Variants in TPCN2 observed in about 807,000 individuals in gnomAD.
TPCN2 encodes the protein two pore segment channel 2.
TPCN2 carries 92 observed loss-of-function variants against 111.4 expected under a neutral mutation model. The ratio of observed to expected loss-of-function variants is 0.83; its 90% CI spans 0.70 to 0.98. The LOEUF is 0.98. Among genes scored for constraint, TPCN2 ranks in the 50% least tolerant of loss-of-function variants. The pLI is 0.00. For missense variants in TPCN2, 995 were observed against 980.1 expected (o/e 1.02, Z -0.20); for synonymous variants, 405 against 414.5 (o/e 0.98, Z 0.28).
rs532290883 is a variant in TPCN2, at chr11:69,049,133, A to G, written c.109+27A>G. The G allele has an allele frequency of 2.5e-5, 31 of 1,216,462 alleles. No individual in the cohort carries two copies. The African/African-American group carries it at 4.1e-4, about 16-fold the overall frequency. 75.4% of individuals were successfully genotyped at this position (1,216,462 alleles called of 1,614,324 possible). Reference sequence around the variant, plus strand: ...TGAGCCGCCCGGACCTGGGGAGGGGACTGGCCCGGGAGACCAGGGTCGCGC... The same window carrying G: ...TGAGCCGCCCGGACCTGGGGAGGGGGCTGGCCCGGGAGACCAGGGTCGCGC... On this transcript the variant is annotated intron_variant, in intron 1 of 24. Transcript: ENST00000294309.
chr11:69,078,164 T>A (rs562693462), intron 13 of TPCN2, among the ~76,000 whole-genome samples: 9 of 151,872 alleles, frequency 5.9e-5, no homozygotes, highest in Non-Finnish European at 1.2e-4. Flanking sequence ...CACAGCTTTT[T>A]TTTTTTTTAT....
At chr11:69,056,239 G>A (rs7927633) in intron 4 of TPCN2, among the ~76,000 whole-genome samples, 120,773 of 152,214 alleles carry the variant, frequency 0.79, 52,188 homozygotes, top group Non-Finnish European at 0.99. Context: ...TCCTGGTCGC[G>A]TGGGGCCTCT....
chr11:69,057,134 TGG>T (rs1395395025), intron 4 of TPCN2, among the ~76,000 whole-genome samples: 1 of 152,224 alleles, frequency 6.6e-6, no homozygotes, highest in Non-Finnish European at 1.5e-5. Context: ...CACCGCCTTC[TGG>T]GGACTTTCTT....
In TPCN2 at chr11:69,087,865, A is replaced by G. The variant is rs1856347985; in HGVS notation, c.2181-10A>G. The G allele has an allele frequency of 3.7e-6, 6 of 1,611,568 alleles. No homozygotes were observed. Among genetic ancestry groups the G allele is most frequent in the Non-Finnish European group, 5.1e-6 (6 of 1,179,264 alleles). ...GAGGCCCCTGTGTGCATCTTTCCTC[A>G]ATTCCACAGGGATATTCTGGAGGAG... On this transcript the variant is annotated splice_polypyrimidine_tract_variant and intron_variant, in intron 24 of 24. Coordinates refer to ENST00000294309, the MANE Select transcript of TPCN2 (RefSeq NM_139075.4).
chr11:69,085,369 C>T, intron 20 of TPCN2, 83 bp downstream of exon 20: 1 of 1,322,378 alleles, frequency 7.6e-7, no homozygotes, highest in Non-Finnish European at 1.1e-6. Flanking sequence ...CCTCAGTGGG[C>T]TCAGCATCTC....
intron 5 of TPCN2, among the ~76,000 whole-genome samples, chr11:69,062,321 G>A (rs1169159231): frequency 2.6e-5 from 4 of 152,146 alleles, no homozygotes; most frequent in African/African-American, 7.2e-5. Context: ...TGGAGGGGAC[G>A]CACATTCACA....
At chr11:69,074,239 C>T (rs903666351) in intron 13 of TPCN2, among the ~76,000 whole-genome samples, 4 of 152,252 alleles carry the variant, frequency 2.6e-5, no homozygotes, top group African/African-American at 9.6e-5. Context: ...CTGCCCCAGC[C>T]TGAGCTTGAG....
At chr11:69,085,148 G>C (rs986684160) in intron 19 of TPCN2, 62 bp from the exon 20 acceptor site, 30 of 1,457,660 alleles carry the variant, frequency 2.1e-5, no homozygotes, top group Non-Finnish European at 2.7e-5. Flanking sequence ...TCTGTCTGGG[G>C]AGGGTGGTGG....
At chr11:69,087,835 C>A in intron 24 of TPCN2, 40 bp from the exon 25 acceptor site, 1 of 1,561,624 alleles carries the variant, frequency 6.4e-7, no homozygotes, top group Non-Finnish European at 8.8e-7. Context: ...GGTCTCCCTC[C>A]TTTAGAGGCC....
rs990638846 is a variant in TPCN2 at position 69,071,226 on chromosome 11, C to T, written c.896-130C>T. ...CTCGTCATCCTCCCACCTGTGACTG[C>T]GCTGGCCAGGCCATGTTTCCATTTG... On this transcript the variant is annotated intron_variant, in intron 9 of 24. Transcript: ENST00000294309. 143 of 711,030 alleles carry T rather than the reference C, an allele frequency of 2.0e-4. 1 individual carries two copies. Among genetic ancestry groups the T allele is most frequent in the Admixed American group, 1.9e-4 (9 of 48,636 alleles). 44.0% of individuals were successfully genotyped at this position (711,030 alleles called of 1,614,324 possible). A position where few individuals can be genotyped will look rare whatever the true frequency, so the allele number is the denominator to read the frequency against.
chr11:69,079,134 G>A, intron 16 of TPCN2, 114 bp downstream of exon 16: 1 of 1,377,368 alleles, frequency 7.3e-7, no homozygotes, highest in Non-Finnish European at 9.8e-7. Flanking sequence ...GTAGGAAGGT[G>A]GGCTTCTGCT....
At chr11:69,073,086 T>C in intron 13 of TPCN2, 85 bp downstream of exon 13, 1 of 999,184 alleles carries the variant, frequency 1.0e-6, no homozygotes, top group Admixed American at 1.8e-5. Flanking sequence ...ACTCTTCTAA[T>C]GATCAGTGCT....
intron 22 of TPCN2, among the ~76,000 whole-genome samples, chr11:69,086,168 C>T (rs916585408): frequency 2.0e-5 from 3 of 152,140 alleles, no homozygotes; most frequent in Non-Finnish European, 4.4e-5. Context: ...TCCTGGAGGT[C>T]GTTGGTGTGT....
rs1215099236 is a variant in TPCN2 at position 69,071,835 on chromosome 11, C to T, written c.961-88C>T. The stretch of plus-strand genomic sequence containing the variant: ...CCCCCCAAGGCTGCCCAGACTCCCC[C>T]TCTGCCTGTTCCCCAGGGGAGGGAA... On this transcript the variant is annotated intron_variant, in intron 10 of 24. Coordinates refer to ENST00000294309, the MANE Select transcript of TPCN2 (RefSeq NM_139075.4). 37 of 1,294,924 alleles carry T rather than the reference C, an allele frequency of 2.9e-5. 1 individual carries two copies. The highest frequency in any genetic ancestry group is 9.3e-5 in the East Asian group (4 of 43,084). The allele number at this position is 1,294,924 out of a possible 1,614,324, so 80.2% of individuals were successfully genotyped here.
chr11:69,054,528 G>A (rs1854658181), intron 2 of TPCN2, 193 bp from the exon 3 acceptor site: 2 of 606,556 alleles, frequency 3.3e-6, no homozygotes, highest in South Asian at 1.9e-5. Context: ...GTGAGGTCTT[G>A]TGTGTTGGGC....
rs1335894307 is a variant in TPCN2 at position 69,055,374 on chromosome 11, C to T, written c.429+22C>T. The T allele has an allele frequency of 2.5e-6, 4 of 1,584,148 alleles. No individual in the cohort carries two copies. The African/African-American group carries it at 4.1e-5, about 16-fold the overall frequency. ...GAAGGTGAGGCGGGCGCCAGGCCCT[C>T]TACGTGCTGCCCCGGCCTCCCAGCG... On this transcript the variant is annotated intron_variant, in intron 4 of 24. Transcript: ENST00000294309.
At chr11:69,063,122 C>T (rs911908883) in intron 6 of TPCN2, 132 bp downstream of exon 6, 57 of 774,746 alleles carry the variant, frequency 7.4e-5, no homozygotes, top group Admixed American at 2.2e-4. Flanking sequence ...TGGCTGGTGA[C>T]GGTGTGGGGA....
At chr11:69,061,079 C>T (rs1484671505) in intron 5 of TPCN2, among the ~76,000 whole-genome samples, 3 of 152,216 alleles carry the variant, frequency 2.0e-5, no homozygotes, top group Non-Finnish European at 4.4e-5. Context: ...ACAGAATAGG[C>T]AGGTCTCTTG....
intron 1 of TPCN2, among the ~76,000 whole-genome samples, chr11:69,049,978 G>T (rs942988881): frequency 1.3e-5 from 2 of 152,220 alleles, no homozygotes; most frequent in African/African-American, 4.8e-5. Context: ...ACCACTCTGA[G>T]AATTCACACC....
Sources: allele counts gnomAD v4.1 joint callset (sites outside exome capture counted in the v4.1 genomes callset), GRCh38; gene constraint gnomAD v4.1.1; transcripts MANE v1.5; gene names NCBI Gene and HGNC (gene_info 2026-07-23, HGNC 2026-07-21).